The following STRN variants were observed in gnomAD, a reference collection of about 807,000 sequenced individuals.
STRN encodes the protein protein phosphatase 2 regulatory subunit B'''alpha.
Under a neutral mutation model 96.3 loss-of-function variants are expected in STRN, and 53 were observed. The observed-to-expected ratio is 0.55, with a 90% CI of 0.44 to 0.69. STRN has a LOEUF of 0.69. Among genes scored for constraint, STRN ranks in the 30% least tolerant of loss-of-function variants. The pLI, the probability that STRN is intolerant of heterozygous loss-of-function variation, is 0.00. For synonymous variants in STRN, 428 were observed against 355.9 expected (o/e 1.20, Z -2.28); for missense variants, 987 against 963.9 (o/e 1.02, Z -0.32).
chr2:36,849,214 T>C lies in STRN; in HGVS notation c.*242A>G, dbSNP rs577864386. On this transcript the variant is annotated 3_prime_UTR_variant, in exon 18 of 18. Transcript: ENST00000263918. ...ACCACCTCAGAAATAAAGGCGCCTA[T>C]TGGGGAGAAATTTGAAACAGACCTC... The C allele has an allele frequency of 1.6e-3, 743 of 469,154 alleles. 4 individuals carry two copies. The highest frequency in any genetic ancestry group is 0.013 in the African/African-American group (688 of 51,570). 29.1% of individuals were successfully genotyped at this position (469,154 alleles called of 1,614,324 possible).
At chr2:36,865,876 T>C (rs1000988824) in intron 12 of STRN, among the ~76,000 whole-genome samples, 2 of 152,138 alleles carry the variant, frequency 1.3e-5, no homozygotes, top group Non-Finnish European at 2.9e-5. Flanking sequence ...AATTTTTTGA[T>C]GTGGGTGTTT....
Position 36,843,173 on chromosome 2 carries a change from G to A in STRN, c.*6283C>T, listed in dbSNP as rs533324191. Among the ~76,000 whole-genome samples, 64 of 152,258 alleles carry A rather than the reference G, an allele frequency of 4.2e-4. 1 individual carries two copies. The highest frequency in any genetic ancestry group is 1.5e-3 in the African/African-American group (63 of 41,552). On this transcript the variant is annotated 3_prime_UTR_variant, in exon 18 of 18. Transcript: ENST00000263918. ...GTTTCCAACACTACTGAAAATGTGT[G>A]TACATACCAAAGGATATAATACTCA...
chr2:36,856,910 C>A (rs184016005), intron 14 of STRN, among the ~76,000 whole-genome samples: 2 of 152,124 alleles, frequency 1.3e-5, no homozygotes, highest in Admixed American at 6.5e-5. Flanking sequence ...AAACATGCCT[C>A]CTGTCCCTTT....
At chr2:36,952,137 G>A (rs968773636) in intron 1 of STRN, among the ~76,000 whole-genome samples, 3 of 152,176 alleles carry the variant, frequency 2.0e-5, no homozygotes, top group African/African-American at 7.2e-5. Flanking sequence ...AAATGTGAAG[G>A]GTGGGTAGGC....
At chr2:36,860,698 C>T (rs941679987) in intron 13 of STRN, among the ~76,000 whole-genome samples, 18 of 152,132 alleles carry the variant, frequency 1.2e-4, no homozygotes, top group Non-Finnish European at 2.9e-5. Flanking sequence ...ATTTTGGTGT[C>T]ATGGGCTTTA....
rs1214953489 is a variant in STRN at position 36,841,685 on chromosome 2, C to T, written c.*7771G>A. 1 of 152,220 alleles carries T rather than the reference C, an allele frequency of 6.6e-6. No homozygotes were observed. Among genetic ancestry groups the T allele is most frequent in the Non-Finnish European group, 1.5e-5 (1 of 68,044 alleles). 9.4% of individuals were successfully genotyped at this position (152,220 alleles called of 1,614,324 possible). On this transcript the variant is annotated 3_prime_UTR_variant, in exon 18 of 18. Transcript: ENST00000263918. ...TGCCTGGTCTTCATCCTGACATATG[C>T]AGATGACACAAAATACTTGGGCTTA...
chr2:36,851,680 C>T (rs1251834148), intron 15 of STRN, among the ~76,000 whole-genome samples: 1 of 152,128 alleles, frequency 6.6e-6, no homozygotes, highest in East Asian at 1.9e-4. Flanking sequence ...GAGCCACTAA[C>T]GCTGTTCATT....
At chr2:36,959,249 T>C (rs991456382) in intron 1 of STRN, among the ~76,000 whole-genome samples, 1 of 152,156 alleles carries the variant, frequency 6.6e-6, no homozygotes, top group African/African-American at 2.4e-5. Context: ...TTTATGCCTG[T>C]TATCTAAAAA....
Position 36,848,342 on chromosome 2 carries a change from A to G in STRN, c.*1114T>C, listed in dbSNP as rs1668133180. ...ATAGAGGACTTCTAGGGTACAAAATATTTGTTTTTATTAGTGCTTCTGCAA... is the reference window on the plus strand; with the variant it reads ...ATAGAGGACTTCTAGGGTACAAAATGTTTGTTTTTATTAGTGCTTCTGCAA... On this transcript the variant is annotated 3_prime_UTR_variant, in exon 18 of 18. Coordinates refer to ENST00000263918, the MANE Select transcript of STRN (RefSeq NM_003162.4). The G allele has an allele frequency of 6.6e-6, 1 of 152,150 alleles. No homozygotes were observed. The highest frequency in any genetic ancestry group is 2.4e-5 in the African/African-American group (1 of 41,430). 9.4% of individuals were successfully genotyped at this position (152,150 alleles called of 1,614,324 possible). A position where few individuals can be genotyped will look rare whatever the true frequency, so the allele number is the denominator to read the frequency against.
intron 9 of STRN, among the ~76,000 whole-genome samples, chr2:36,879,982 T>C (rs1047340959): frequency 4.7e-5 from 7 of 149,762 alleles, no homozygotes; most frequent in African/African-American, 1.7e-4. Context: ...AAAAAAAAAA[T>C]CTGAGACGGG....
At chr2:36,912,691 A>G (rs1669994851) in intron 3 of STRN, among the ~76,000 whole-genome samples, 1 of 152,138 alleles carries the variant, frequency 6.6e-6, no homozygotes, top group African/African-American at 2.4e-5. Context: ...CACCAGTACC[A>G]TATGTTGATG....
intron 1 of STRN, among the ~76,000 whole-genome samples, chr2:36,947,577 A>C (rs1664614897): frequency 6.7e-6 from 1 of 148,358 alleles, no homozygotes; most frequent in African/African-American, 2.4e-5. Context: ...TATTATATAT[A>C]TATATATATA....
rs13403113 is a variant in STRN at position 36,903,637 on chromosome 2, C to T, written c.492-886G>A. Reference sequence around the variant, plus strand: ...GATGAAAGAAGAAAACAAAGGTTGACGAGATAACCAGTTTAAGTTCAGTTT... The same window carrying T: ...GATGAAAGAAGAAAACAAAGGTTGATGAGATAACCAGTTTAAGTTCAGTTT... On this transcript the variant is annotated intron_variant, in intron 4 of 17. Coordinates refer to ENST00000263918, the MANE Select transcript of STRN (RefSeq NM_003162.4). Among the ~76,000 whole-genome samples the T allele has an allele frequency of 7.2e-3, 1,095 of 152,164 alleles. 16 individuals are homozygous for T. Among genetic ancestry groups the T allele is most frequent in the African/African-American group, 0.025 (1,045 of 41,510 alleles).
rs146642143 is a variant in STRN at position 36,842,984 on chromosome 2, G to T, written c.*6472C>A. Among the ~76,000 whole-genome samples the T allele has an allele frequency of 9.2e-5, 14 of 152,238 alleles. No individual in the cohort carries two copies. In the East Asian group the frequency reaches 1.9e-3, roughly 21 times the overall value. Reference sequence around the variant, plus strand: ...CCCTGCAAAACATCAGTGATCTTGGGAAACCCAGAGGAGGTCAGAATACTA... The same window carrying T: ...CCCTGCAAAACATCAGTGATCTTGGTAAACCCAGAGGAGGTCAGAATACTA... On this transcript the variant is annotated 3_prime_UTR_variant, in exon 18 of 18. Transcript: ENST00000263918.
chr2:36,853,874 T>G (rs536027877), intron 15 of STRN, among the ~76,000 whole-genome samples: 1 of 152,282 alleles, frequency 6.6e-6, no homozygotes, highest in East Asian at 1.9e-4. Context: ...AAAAACATAA[T>G]TTAGAAAATG....
intron 1 of STRN, among the ~76,000 whole-genome samples, chr2:36,957,724 C>T (rs1455269892): frequency 2.1e-5 from 3 of 143,556 alleles, no homozygotes; most frequent in Non-Finnish European, 4.5e-5. Flanking sequence ...TCAGATTAGT[C>T]TCATAGTTCT....
chr2:36,887,395 G>A (rs956547630), intron 7 of STRN, among the ~76,000 whole-genome samples: 16 of 151,904 alleles, frequency 1.1e-4, no homozygotes, highest in African/African-American at 2.9e-4. Context: ...GCCTGAACCC[G>A]GGAGGCGGAG....
intron 2 of STRN, 109 bp downstream of exon 2, chr2:36,924,996 C>T (rs1171776271): frequency 2.0e-5 from 18 of 910,808 alleles, no homozygotes; most frequent in East Asian, 7.8e-5. Context: ...GCGGAGGTCG[C>T]GGTGAGCCAA....
At chr2:36,912,214 T>C (rs1669978739) in intron 3 of STRN, among the ~76,000 whole-genome samples, 1 of 152,168 alleles carries the variant, frequency 6.6e-6, no homozygotes, top group Admixed American at 6.5e-5. Flanking sequence ...TATTGGTTAC[T>C]CCTCTAAGAC....
Sources: allele counts gnomAD v4.1 joint callset (sites outside exome capture counted in the v4.1 genomes callset), GRCh38; gene constraint gnomAD v4.1.1; transcripts MANE v1.5; gene names NCBI Gene and HGNC (gene_info 2026-07-23, HGNC 2026-07-21).